CHRM5: variants seen among roughly 807,000 people sequenced by gnomAD.
CHRM5 encodes muscarinic acetylcholine receptor M5.
Under a neutral mutation model 39.0 loss-of-function variants are expected in CHRM5, and 18 were observed. The ratio of observed to expected loss-of-function variants is 0.46; its 90% CI spans 0.32 to 0.68. The LOEUF is 0.68. Ranked by LOEUF, CHRM5 falls within the 30% of genes least tolerant of loss-of-function variation. The probability of loss-of-function intolerance (pLI) is 0.04; values close to 1 mark genes in which losing one functional copy is unlikely to be tolerated. For synonymous variants in CHRM5, 241 were observed against 246.3 expected (o/e 0.98, Z 0.20); for missense variants, 515 against 651.1 (o/e 0.79, Z 2.28).
intron 1 of CHRM5, among the ~76,000 whole-genome samples, chr15:33,973,212 T>C (rs988732077): frequency 1.3e-5 from 2 of 152,212 alleles, no homozygotes; most frequent in East Asian, 1.9e-4. Flanking sequence ...ATTATCACTA[T>C]AGAAATGTAG....
At chr15:34,055,115 C>T (rs1900083542) in intron 2 of CHRM5, among the ~76,000 whole-genome samples, 1 of 151,520 alleles carries the variant, frequency 6.6e-6, no homozygotes, top group Admixed American at 6.6e-5. Flanking sequence ...TCACTTGAAC[C>T]CGGGAGGCGG....
At chr15:34,024,856 T>C (rs2339351) in intron 1 of CHRM5, among the ~76,000 whole-genome samples, 2 of 146,304 alleles carry the variant, frequency 1.4e-5, no homozygotes, top group Non-Finnish European at 3.0e-5. Flanking sequence ...GCAAGACTCC[T>C]TCTCAAAAAA....
chr15:34,053,711 A>C (rs946009838), intron 2 of CHRM5, among the ~76,000 whole-genome samples: 2 of 152,188 alleles, frequency 1.3e-5, no homozygotes, highest in Non-Finnish European at 2.9e-5. Context: ...TGTAAAACCC[A>C]AAACTATAAA....
At chr15:34,031,419 C>G (rs1418681059) in intron 1 of CHRM5, among the ~76,000 whole-genome samples, 7 of 151,970 alleles carry the variant, frequency 4.6e-5, no homozygotes, top group Admixed American at 4.6e-4. Flanking sequence ...AGGTGATCTG[C>G]CTGCCTCAGC....
intron 2 of CHRM5, among the ~76,000 whole-genome samples, chr15:34,056,659 T>G (rs1368316775): frequency 6.6e-6 from 1 of 152,160 alleles, no homozygotes; most frequent in Non-Finnish European, 1.5e-5. Context: ...GCCTCGGCTC[T>G]CCTCAAGGTT....
intron 1 of CHRM5, among the ~76,000 whole-genome samples, chr15:34,019,101 T>C (rs186217203): frequency 3.9e-5 from 6 of 152,286 alleles, no homozygotes; most frequent in East Asian, 1.9e-4. Context: ...AGAGTGCTGA[T>C]TGGTGCATTT....
chr15:34,028,153 T>A (rs187257120), intron 1 of CHRM5, among the ~76,000 whole-genome samples: 87 of 152,294 alleles, frequency 5.7e-4, no homozygotes, highest in African/African-American at 1.8e-3. Context: ...ATTTAAAAAA[T>A]TTTTTAATGA....
At chr15:34,046,177 G>A (rs960069023) in intron 1 of CHRM5, among the ~76,000 whole-genome samples, 1 of 152,054 alleles carries the variant, frequency 6.6e-6, no homozygotes, top group Non-Finnish European at 1.5e-5. Flanking sequence ...GTTTATTGTG[G>A]AAAACATTCA....
At chr15:33,992,835 T>C (rs1597324221) in intron 1 of CHRM5, among the ~76,000 whole-genome samples, 1 of 152,254 alleles carries the variant, frequency 6.6e-6, no homozygotes, top group Non-Finnish European at 1.5e-5. Flanking sequence ...GAAATTCCAA[T>C]GTCATTACAA....
At chr15:34,040,997 C>T (rs936137594) in intron 1 of CHRM5, among the ~76,000 whole-genome samples, 4 of 152,028 alleles carry the variant, frequency 2.6e-5, no homozygotes, top group Non-Finnish European at 5.9e-5. Context: ...TAAATATCTA[C>T]CAGCATATCA....
At chr15:34,039,870 T>G (rs1899391910) in intron 1 of CHRM5, among the ~76,000 whole-genome samples, 1 of 152,174 alleles carries the variant, frequency 6.6e-6, no homozygotes. Flanking sequence ...AACTAGGTAG[T>G]GGTGGAACTG....
At chr15:34,045,797 T>C (rs1237062391) in intron 1 of CHRM5, among the ~76,000 whole-genome samples, 1 of 152,224 alleles carries the variant, frequency 6.6e-6, no homozygotes, top group Non-Finnish European at 1.5e-5. Flanking sequence ...AGGAATTCAT[T>C]TGGTACACAG....
At chr15:33,970,809 C>T (rs1895604952) in intron 1 of CHRM5, among the ~76,000 whole-genome samples, 1 of 151,888 alleles carries the variant, frequency 6.6e-6, no homozygotes, top group African/African-American at 2.4e-5. Context: ...TAAACAGAGA[C>T]TCATATCCCA....
chr15:34,057,142 G>GT (rs763552413), intron 2 of CHRM5, among the ~76,000 whole-genome samples: 26,877 of 148,690 alleles, frequency 0.18, 2,706 homozygotes, highest in Middle Eastern at 0.27. Flanking sequence ...GTTTTTTTTG[G>GT]TTTTTTTTTT....
At chr15:33,982,032 C>CT (rs112770455) in intron 1 of CHRM5, among the ~76,000 whole-genome samples, 20,756 of 144,698 alleles carry the variant, frequency 0.14, 2,343 homozygotes, top group African/African-American at 0.31. Flanking sequence ...TGTATTTTTT[C>CT]TTTTTTTTTT....
At chr15:33,990,853 A>G (rs1896691779) in intron 1 of CHRM5, 1 of 152,262 alleles carries the variant, frequency 6.6e-6, no homozygotes, top group African/African-American at 2.4e-5. Flanking sequence ...ACAAAATTCA[A>G]CAGGTTAAAT....
At chr15:34,039,027 G>A in intron 1 of CHRM5, 2 of 1,120,794 alleles carry the variant, frequency 1.8e-6, no homozygotes, top group Non-Finnish European at 2.2e-6. Flanking sequence ...GCCTCCCCGA[G>A]CTCCTCGCTC....
intron 2 of CHRM5, among the ~76,000 whole-genome samples, chr15:34,060,312 A>G (rs1005366356): frequency 6.6e-6 from 1 of 152,224 alleles, no homozygotes; most frequent in Non-Finnish European, 1.5e-5. Flanking sequence ...TGGGAGGTGA[A>G]GAAGCATGCA....
chr15:33,985,325 T>G (rs1896375708), intron 1 of CHRM5, among the ~76,000 whole-genome samples: 1 of 86,842 alleles, frequency 1.2e-5, no homozygotes, highest in South Asian at 3.1e-4. Flanking sequence ...ATTCAAAGAG[T>G]CCTGTACATG....
Sources: allele counts gnomAD v4.1 joint callset (sites outside exome capture counted in the v4.1 genomes callset), GRCh38; gene constraint gnomAD v4.1.1; transcripts MANE v1.5; gene names NCBI Gene and HGNC (gene_info 2026-07-23, HGNC 2026-07-21).